EVL: variants seen among roughly 807,000 people sequenced by gnomAD.
The protein encoded by EVL is ena/VASP-like protein.
EVL carries 21 observed loss-of-function variants against 59.6 expected under a neutral mutation model. The observed-to-expected ratio is 0.35, with a 90% confidence interval of 0.25 to 0.51. The LOEUF (loss-of-function observed/expected upper bound fraction) is 0.51, where lower values mean the gene tolerates loss of function less well. EVL is among the 20% of genes least tolerant of loss of function. EVL has a pLI of 0.97. For synonymous variants in EVL, 198 were observed against 203.5 expected, an observed-to-expected ratio of 0.97 and a Z score of 0.23; for missense variants, 462 against 546.6, an observed-to-expected ratio of 0.85 and a Z score of 1.54.
Position 100,114,442 on chromosome 14 carries a change from G to A in EVL, c.359-9097G>A, listed in dbSNP as rs184415680. 3.3e-5 allele frequency: 5 copies of A among 152,566 alleles called. No individual in the cohort carries two copies. Among genetic ancestry groups the A allele is most frequent in the Admixed American group, 2.6e-4 (4 of 15,302 alleles). The allele number at this position is 152,566 out of a possible 1,614,324, so 9.5% of individuals were successfully genotyped here. ...GTCTGGACAGTCCTCCAGGGCCAGG[G>A]CCCTGGGAGCTTGCTGGAGTCAGGT... On this transcript the variant is annotated intron_variant, in intron 3 of 13. Coordinates refer to ENST00000392920, the MANE Select transcript of EVL (RefSeq NM_016337.3). The surrounding 1 kb of genome is among the most constrained non-coding windows in gnomAD (Gnocchi z 5.0).
chr14:100,060,992 A>G (rs944974188), upstream of EVL, among the ~76,000 whole-genome samples: 2 of 151,230 alleles, frequency 1.3e-5, no homozygotes, highest in Non-Finnish European at 2.9e-5. Context: ...AAAAAACCTC[A>G]GTATTCTCTA....
intron 1 of EVL, among the ~76,000 whole-genome samples, chr14:100,018,517 T>C (rs2061070570): frequency 6.6e-6 from 1 of 152,194 alleles, no homozygotes; most frequent in Non-Finnish European, 1.5e-5. Flanking sequence ...AATTGGTAAC[T>C]GGTTTTCCTT....
At chr14:100,074,346 G>A (rs1390847722) in intron 1 of EVL, among the ~76,000 whole-genome samples, 1 of 152,178 alleles carries the variant, frequency 6.6e-6, no homozygotes, top group Non-Finnish European at 1.5e-5. Context: ...ATATGGATTT[G>A]CTGTTCATTC....
intron 1 of EVL, among the ~76,000 whole-genome samples, chr14:100,029,506 A>G (rs1333938821): frequency 6.6e-6 from 1 of 152,212 alleles, no homozygotes; most frequent in Non-Finnish European, 1.5e-5. Flanking sequence ...GAGGTGTGGA[A>G]CAGACAGACC....
chr14:100,131,255 C>T (rs1888418348), intron 7 of EVL, among the ~76,000 whole-genome samples: 1 of 152,226 alleles, frequency 6.6e-6, no homozygotes, highest in Non-Finnish European at 1.5e-5. Context: ...GGGGAAGCAC[C>T]TTTCTGTCTG....
rs564304795 is a variant in EVL, at chr14:99,993,258, C to T, written c.5+21201C>T. Among the ~76,000 whole-genome samples the T allele has an allele frequency of 3.8e-4, 58 of 152,080 alleles. 1 individual carries two copies. In the South Asian group the frequency reaches 9.1e-3, roughly 24 times the overall value. On this transcript the variant is annotated intron_variant, in intron 1 of 13. Transcript: ENST00000402714. The stretch of plus-strand genomic sequence containing the variant: ...TATTTTTAGTAGAGACAGGGTTTCA[C>T]GGTGTTAGCCAAAATGGTCTCAATC...
At chr14:99,991,677 G>A (rs186306001) in intron 1 of EVL, among the ~76,000 whole-genome samples, 58 of 152,228 alleles carry the variant, frequency 3.8e-4, no homozygotes, top group African/African-American at 1.1e-3. Context: ...AAGGTATTTC[G>A]TGGCAAAGTT....
exon 1 of EVL, chr14:99,971,542 T>A (rs1309170339): frequency 6.6e-6 from 1 of 151,538 alleles, no homozygotes; most frequent in African/African-American, 2.4e-5. Context: ...GCGCGCGCAG[T>A]CCCCTCGGAG....
chr14:100,023,679 C>G (rs1356224579), intron 1 of EVL, among the ~76,000 whole-genome samples: 1 of 151,924 alleles, frequency 6.6e-6, no homozygotes, highest in Non-Finnish European at 1.5e-5. Context: ...CCAGGCTGGT[C>G]TTGAACTCCT....
At chr14:100,118,510 G>T (rs1483939710) in intron 3 of EVL, among the ~76,000 whole-genome samples, 1 of 152,230 alleles carries the variant, frequency 6.6e-6, no homozygotes, top group Non-Finnish European at 1.5e-5. Flanking sequence ...CCTGCTTGCA[G>T]AATAGCAGCA....
At chr14:100,044,508 C>T (rs958581239) in intron 1 of EVL, among the ~76,000 whole-genome samples, 8 of 152,198 alleles carry the variant, frequency 5.3e-5, no homozygotes, top group African/African-American at 1.7e-4. Flanking sequence ...TGAACACTTT[C>T]AGTCTGCCGG....
chr14:100,119,752 G>C (rs1051066465), intron 3 of EVL, among the ~76,000 whole-genome samples: 4 of 152,202 alleles, frequency 2.6e-5, no homozygotes, highest in African/African-American at 9.7e-5. Flanking sequence ...GTTAGCGTTA[G>C]TGTATTAGGA....
chr14:100,007,414 T>C (rs192515082), intron 1 of EVL, among the ~76,000 whole-genome samples: 2 of 152,360 alleles, frequency 1.3e-5, no homozygotes, highest in Non-Finnish European at 2.9e-5. Context: ...CAGTTCCCAG[T>C]TTGACTTCCC....
intron 5 of EVL, 70 bp downstream of exon 5, chr14:100,126,841 G>C (rs1888105557): frequency 4.6e-6 from 7 of 1,510,214 alleles, no homozygotes; most frequent in Non-Finnish European, 6.4e-6. Context: ...ACGTAGATGA[G>C]GCCCAGGGAC....
At chr14:100,028,130 G>GTTTTTTTTTTTTTTT (rs756735010) in intron 1 of EVL, among the ~76,000 whole-genome samples, 1 of 99,604 alleles carries the variant, frequency 1.0e-5, no homozygotes, top group African/African-American at 4.9e-5. Flanking sequence ...TTTTTTGTTT[G>GTTTTTTTTTTTTTTT]TTTGTTTTTT....
chr14:100,133,429 G>A (rs1888567879), intron 8 of EVL, among the ~76,000 whole-genome samples: 1 of 152,274 alleles, frequency 6.6e-6, no homozygotes. Context: ...CCACCTCAGT[G>A]CAGAATCAGA....
chr14:100,040,130 G>A (rs1325184374), intron 1 of EVL, among the ~76,000 whole-genome samples: 1 of 152,300 alleles, frequency 6.6e-6, no homozygotes, highest in South Asian at 2.1e-4. Flanking sequence ...TTTGCTTGTG[G>A]CACTTGGACA....
intron 1 of EVL, among the ~76,000 whole-genome samples, chr14:100,010,733 T>A (rs2140192417): frequency 6.6e-6 from 1 of 152,274 alleles, no homozygotes; most frequent in East Asian, 1.9e-4. Context: ...TCTGTAGTGA[T>A]TTTGGTTTTG....
chr14:100,116,711 C>G (rs1466759256), intron 3 of EVL, among the ~76,000 whole-genome samples: 1 of 152,194 alleles, frequency 6.6e-6, no homozygotes, highest in African/African-American at 2.4e-5. Flanking sequence ...CGTAGGGTCT[C>G]TTAGACATTT....
Sources: gnomAD v4.1 joint callset for allele counts (sites outside exome capture counted in the v4.1 genomes callset) on GRCh38, gnomAD v4.1.1 for gene constraint, Gnocchi (gnomAD v3.1) non-coding constraint, MANE v1.5 for transcripts, NCBI Gene and HGNC (gene_info 2026-07-23, HGNC 2026-07-21) for gene names.